Variants in UNC5B observed in about 807,000 individuals in gnomAD.
UNC5B encodes netrin receptor UNC5B.
In UNC5B, 56 loss-of-function variants were observed where a neutral mutation model predicts 103.7. That is an observed-to-expected ratio of 0.54 (90% CI 0.44 to 0.67). UNC5B has a LOEUF of 0.67. Among genes scored for constraint, UNC5B ranks in the 30% least tolerant of loss-of-function variants. The pLI is 0.00. For missense variants in UNC5B, 1,194 were observed against 1,284.5 expected (o/e 0.93, Z 1.08); for synonymous variants, 577 against 542.0 (o/e 1.06, Z -0.90).
chr10:71,273,168 C>T (rs1445352429), intron 1 of UNC5B, among the ~76,000 whole-genome samples: 1 of 152,264 alleles, frequency 6.6e-6, no homozygotes, highest in Non-Finnish European at 1.5e-5. Context: ...GGATTATAGG[C>T]GTGAGCCGCC....
Position 71,291,657 on chromosome 10 carries a change from C to T in UNC5B, c.1520C>T (p.Pro507Leu), listed in dbSNP as rs1435277749. Reference protein sequence around the residue: ...ADGADLLGVLPPGTYPSDFAR... With the variant: ...ADGADLLGVLLPGTYPSDFAR... The stretch of plus-strand genomic sequence containing the variant: ...GGGGCTGACCTGCTGGGGGTCTTGC[C>T]GCCTGGCACATACCCTAGCGATTTC... Residue 507 changes from proline (P) to leucine (L), a missense_variant, in exon 10 of 17, where the codon CCG becomes CTG. Transcript: ENST00000335350. The T allele has an allele frequency of 3.7e-6, 6 of 1,613,730 alleles. No homozygotes were observed. Among genetic ancestry groups the T allele is most frequent in the African/African-American group, 1.3e-5 (1 of 74,952 alleles).
At chr10:71,295,068 C>T (rs1489840246) in intron 13 of UNC5B, among the ~76,000 whole-genome samples, 1 of 152,220 alleles carries the variant, frequency 6.6e-6, no homozygotes, top group Non-Finnish European at 1.5e-5. Flanking sequence ...GCTCCTTCAT[C>T]TCCCAGGCTC....
chr10:71,269,163 T>C (rs1387129378), intron 1 of UNC5B, among the ~76,000 whole-genome samples: 2 of 151,848 alleles, frequency 1.3e-5, no homozygotes, highest in African/African-American at 2.4e-5. Context: ...TAAATATTCA[T>C]GCATCTAAAA....
rs1177890695 is a variant in UNC5B, at chr10:71,288,980, C to T, written c.1089C>T (p.Pro363=). The change falls in exon 8 of 17, where the codon CCC becomes CCT. Residue 363 remains proline, a synonymous_variant. Transcript: ENST00000335350. ...CMQNKKTLSD[P]NSHLLEASGD... The stretch of plus-strand genomic sequence containing the variant: ...CAGATAAGAAAACTCTAAGCGACCC[C>T]AACAGCCACCGTAAGTCCCATTTCA... 2 of 1,614,196 alleles carry T rather than the reference C, an allele frequency of 1.2e-6. No individual in the cohort carries two copies. The highest frequency in any genetic ancestry group is 1.3e-5 in the African/African-American group (1 of 75,046).
intron 1 of UNC5B, among the ~76,000 whole-genome samples, chr10:71,250,979 A>G (rs1297871888): frequency 1.3e-5 from 2 of 152,336 alleles, no homozygotes; most frequent in Non-Finnish European, 1.5e-5. Context: ...ATCCTGAACA[A>G]ACAGTGATGA....
chr10:71,265,030 G>T (rs999398586), intron 1 of UNC5B, among the ~76,000 whole-genome samples: 1 of 120,598 alleles, frequency 8.3e-6, no homozygotes, highest in African/African-American at 3.5e-5. Context: ...AGATTCAAAT[G>T]CTGACAACCC....
chr10:71,255,146 A>T (rs1844261883), intron 1 of UNC5B, among the ~76,000 whole-genome samples: 1 of 152,214 alleles, frequency 6.6e-6, no homozygotes, highest in South Asian at 2.1e-4. Flanking sequence ...ACCCGAGAAG[A>T]ACCCACAGTG....
chr10:71,228,775 C>G (rs1843622657), intron 1 of UNC5B, among the ~76,000 whole-genome samples: 1 of 152,208 alleles, frequency 6.6e-6, no homozygotes, highest in African/African-American at 2.4e-5. Flanking sequence ...CCACCTTGGC[C>G]ATTGTGTATG....
Position 71,284,706 on chromosome 10 carries a change from T to C in UNC5B, c.305-14T>C. On this transcript the variant is annotated splice_polypyrimidine_tract_variant and intron_variant, in intron 2 of 16. Transcript: ENST00000335350. ...TTGCCCCTGCCCCCTGACGGCTCTCTCTTCTCCTCCCAGGCCTGCGGGTGC... is the reference window on the plus strand; with the variant it reads ...TTGCCCCTGCCCCCTGACGGCTCTCCCTTCTCCTCCCAGGCCTGCGGGTGC... 2 of 1,613,026 alleles carry C rather than the reference T, an allele frequency of 1.2e-6. No homozygotes were observed. The highest frequency in any genetic ancestry group is 2.2e-5 in the South Asian group (2 of 91,070).
intron 1 of UNC5B, among the ~76,000 whole-genome samples, chr10:71,232,099 C>G (rs1843694966): frequency 6.6e-6 from 1 of 152,228 alleles, no homozygotes; most frequent in East Asian, 1.9e-4. Context: ...AAGGGATACC[C>G]TTTTTGACCC....
chr10:71,259,905 G>A (rs1844375798), intron 1 of UNC5B, among the ~76,000 whole-genome samples: 1 of 152,228 alleles, frequency 6.6e-6, no homozygotes, highest in Admixed American at 6.5e-5. Flanking sequence ...CTGGATAGGG[G>A]CAGCTCGGAG....
Position 71,213,056 on chromosome 10 carries a change from G to A in UNC5B, c.71G>A (p.Ser24Asn). The change falls in exon 1 of 17, where the codon AGC (serine) becomes AAC (asparagine). Residue 24 changes from serine to asparagine, a missense_variant. Physicochemically the swap from Ser to Asn is conservative, Grantham distance 46. Coordinates refer to ENST00000335350, the MANE Select transcript of UNC5B (RefSeq NM_170744.5). The surrounding 1 kb of genome is among the most constrained non-coding windows in gnomAD (Gnocchi z 4.1). Reference protein sequence around the residue: ...ALLLCWDPRLSQAGTDSGSEV... With the variant: ...ALLLCWDPRLNQAGTDSGSEV... ...CTGCTCTGCTGGGACCCGAGGCTGA[G>A]CCAAGCAGGTAGGAAGCGATCGGGT... The A allele has an allele frequency of 7.1e-7, 1 of 1,400,284 alleles. No homozygotes were observed. The highest frequency in any genetic ancestry group is 9.3e-7 in the Non-Finnish European group (1 of 1,069,962). The allele number at this position is 1,400,284 out of a possible 1,614,324, so 86.7% of individuals were successfully genotyped here. A position where few individuals can be genotyped will look rare whatever the true frequency, so the allele number is the denominator to read the frequency against.
At chr10:71,286,531 C>T (rs984103710) in intron 4 of UNC5B, among the ~76,000 whole-genome samples, 158 bp from the exon 5 acceptor site, 2 of 152,166 alleles carry the variant, frequency 1.3e-5, no homozygotes, top group African/African-American at 2.4e-5. Context: ...AAATGGTGCT[C>T]TTAACCCCAG....
intron 1 of UNC5B, among the ~76,000 whole-genome samples, chr10:71,228,136 C>T (rs531058753): frequency 2.0e-5 from 3 of 152,260 alleles, no homozygotes; most frequent in East Asian, 1.9e-4. Flanking sequence ...AAATGGTGCT[C>T]GGACTACTGG....
In UNC5B at chr10:71,293,865, G is replaced by T. The variant is rs776495244; in HGVS notation, c.2107G>T (p.Ala703Ser). The T allele has an allele frequency of 3.1e-6, 5 of 1,608,368 alleles. No homozygotes were observed. In the South Asian group the frequency reaches 5.5e-5, roughly 18 times the overall value. The change falls in exon 13 of 17, where the codon GCC (alanine) becomes TCC (serine). Residue 703 changes from alanine (A) to serine (S), a missense_variant. Transcript: ENST00000335350. ...KRLQLAVFAP[A>S]LCTSLEYSLR... ...GCTCCAGCTGGCCGTCTTCGCCCCCGCCCTCTGCACCTCCCTGGAGTACAG... is the reference window on the plus strand; with the variant it reads ...GCTCCAGCTGGCCGTCTTCGCCCCCTCCCTCTGCACCTCCCTGGAGTACAG...
intron 1 of UNC5B, among the ~76,000 whole-genome samples, chr10:71,277,513 G>C (rs1198227440): frequency 6.6e-6 from 1 of 152,240 alleles, no homozygotes; most frequent in Non-Finnish European, 1.5e-5. Context: ...TGCTATCTCA[G>C]AGCTGTCTGG....
rs1273269780 is a variant in UNC5B, at chr10:71,290,897, G to T, written c.1100-18G>T. ...CCTGGTCTCTGCTGCCCCTTATGTGGTCCTCCTGTCCCCGCAGTGCTGGAG... is the reference window on the plus strand; with the variant it reads ...CCTGGTCTCTGCTGCCCCTTATGTGTTCCTCCTGTCCCCGCAGTGCTGGAG... On this transcript the variant is annotated intron_variant, in intron 8 of 16. Coordinates refer to ENST00000335350, the MANE Select transcript of UNC5B (RefSeq NM_170744.5). 6.2e-7 allele frequency: 1 copy of T among 1,602,308 alleles called. No individual in the cohort carries two copies. The highest frequency in any genetic ancestry group is 2.2e-5 in the East Asian group (1 of 44,758).
intron 1 of UNC5B, among the ~76,000 whole-genome samples, chr10:71,218,461 G>C (rs1413404394): frequency 6.6e-6 from 1 of 152,224 alleles, no homozygotes; most frequent in Non-Finnish European, 1.5e-5. Flanking sequence ...GCACTTAAGA[G>C]ACCTCATTTT....
intron 1 of UNC5B, among the ~76,000 whole-genome samples, chr10:71,267,674 A>G (rs560708256): frequency 6.6e-6 from 1 of 151,900 alleles, no homozygotes; most frequent in East Asian, 1.9e-4. Flanking sequence ...TGTTTGATGA[A>G]TGAGTGAATG....
Sources: gnomAD v4.1 joint callset for allele counts (sites outside exome capture counted in the v4.1 genomes callset) on GRCh38, gnomAD v4.1.1 for gene constraint, Gnocchi (gnomAD v3.1) non-coding constraint, MANE v1.5 for transcripts, NCBI Gene and HGNC (gene_info 2026-07-23, HGNC 2026-07-21) for gene names.